LARP4B: variants seen among roughly 807,000 people sequenced by gnomAD.
LARP4B encodes the protein La ribonucleoprotein 4B.
Under a neutral mutation model 89.8 loss-of-function variants are expected in LARP4B, and 12 were observed. The ratio of observed to expected loss-of-function variants is 0.13; its 90% CI spans 0.09 to 0.22. The LOEUF is 0.22. Ranked by LOEUF, LARP4B falls within the 10% of genes least tolerant of loss-of-function variation. LARP4B has a pLI of 1.00. For missense variants in LARP4B, 757 were observed against 947.7 expected (o/e 0.80, Z 2.64); for synonymous variants, 367 against 363.3 (o/e 1.01, Z -0.12).
chr10:939,706 A>G, the LARP4B span, among the ~76,000 whole-genome samples: 1 of 152,212 alleles, frequency 6.6e-6, no homozygotes, highest in African/African-American at 2.4e-5. Context: ...TGAGTTGATG[A>G]GACATGAGAT....
chr10:874,234 C>CAAAAAAAACA (rs60052105), intron 3 of LARP4B, among the ~76,000 whole-genome samples: 20,722 of 151,964 alleles, frequency 0.14, 1,537 homozygotes, highest in Non-Finnish European at 0.16. Context: ...GACTCCATCT[C>CAAAAAAAACA]AAACAAAACA....
intron 1 of LARP4B, among the ~76,000 whole-genome samples, chr10:906,638 G>A (rs1406231974): frequency 6.6e-6 from 1 of 152,192 alleles, no homozygotes; most frequent in Non-Finnish European, 1.5e-5. Flanking sequence ...ACAACCATAT[G>A]CTCAGTTTCA....
chr10:902,456 G>A (rs1043143000), intron 1 of LARP4B, among the ~76,000 whole-genome samples: 6 of 152,032 alleles, frequency 3.9e-5, no homozygotes, highest in African/African-American at 1.4e-4. Flanking sequence ...AAAGCAAATG[G>A]AAAAGTTGAC....
rs115211576 is a variant in LARP4B at position 872,569 on chromosome 10, C to T, written c.142-8299G>A. 1.3e-3 allele frequency among the ~76,000 whole-genome samples: 203 copies of T among 152,352 alleles called. 1 individual carries two copies. Among genetic ancestry groups the T allele is most frequent in the African/African-American group, 4.8e-3 (198 of 41,582 alleles). On this transcript the variant is annotated intron_variant, in intron 3 of 17. Coordinates refer to ENST00000316157, the MANE Select transcript of LARP4B (RefSeq NM_015155.3). Reference sequence around the variant, plus strand: ...TCTCCCTATCGGATAGGTCTAAAGACTTACTCTCATCACCACTGCTGAGGT... The same window carrying T: ...TCTCCCTATCGGATAGGTCTAAAGATTTACTCTCATCACCACTGCTGAGGT...
chr10:956,090 A>G, the LARP4B span, among the ~76,000 whole-genome samples: 1 of 144,966 alleles, frequency 6.9e-6, no homozygotes, highest in Admixed American at 6.9e-5. The surrounding 1 kb of genome is among the most constrained non-coding windows in gnomAD (Gnocchi z 4.3). Flanking sequence ...CGGCTAATCC[A>G]CCAAATGGGC....
chr10:901,135 T>TCGAACTCCTGACCTCCTGATCCACC (rs1836333331), intron 1 of LARP4B, among the ~76,000 whole-genome samples: 1 of 143,906 alleles, frequency 6.9e-6, no homozygotes, highest in African/African-American at 2.6e-5. Context: ...TGGCCTGGTT[T>TCGAACTCCTGACCTCCTGATCCACC]CGAACTCCTG....
chr10:930,076 G>A (rs540079755), intron 1 of LARP4B, among the ~76,000 whole-genome samples: 1 of 151,734 alleles, frequency 6.6e-6, no homozygotes, highest in Non-Finnish European at 1.5e-5. Context: ...GGCAGGTTGG[G>A]GAAGTATGGA....
At chr10:934,995 A>G (rs1011437597), upstream of LARP4B, among the ~76,000 whole-genome samples, 1 of 152,212 alleles carries the variant, frequency 6.6e-6, no homozygotes, top group Non-Finnish European at 1.5e-5. Flanking sequence ...TTGCCTGCCC[A>G]GGAGGATAAA....
At position 810,779 on chromosome 10, in the gene LARP4B, TTC is replaced by T. The variant is rs1262598962; in HGVS notation, c.*2145_*2146del. 6.9e-6 allele frequency: 1 copy of T among 144,466 alleles called. No individual in the cohort carries two copies. Among genetic ancestry groups the T allele is most frequent in the Admixed American group, 6.9e-5 (1 of 14,480 alleles). The allele number at this position is 144,466 out of a possible 1,614,324, so 8.9% of individuals were successfully genotyped here. ...AGTTTGGGTTTCACAGATCAATTAT[TTC>T]TGATTTTTTTTTTTTTTTTGGTCAG... On this transcript the variant is annotated 3_prime_UTR_variant, in exon 18 of 18. Coordinates refer to ENST00000316157, the MANE Select transcript of LARP4B (RefSeq NM_015155.3).
the LARP4B span, among the ~76,000 whole-genome samples, chr10:979,447 GTTA>G: frequency 6.6e-6 from 1 of 152,170 alleles, no homozygotes; most frequent in Non-Finnish European, 1.5e-5. Flanking sequence ...GACTGCTCTG[GTTA>G]TTAATTTCTC....
the LARP4B span, among the ~76,000 whole-genome samples, chr10:976,163 C>T: frequency 3.6e-5 from 5 of 138,108 alleles, no homozygotes; most frequent in South Asian, 4.7e-4. Flanking sequence ...GCGTAAGGTG[C>T]GGCCCGCCCT....
At chr10:833,341 CCTGGGCGGCATGCCGCCCACGGG>C (rs1393102797) in intron 8 of LARP4B, among the ~76,000 whole-genome samples, 3 of 149,394 alleles carry the variant, frequency 2.0e-5, no homozygotes, top group African/African-American at 7.4e-5. Flanking sequence ...ACAAAGCCGT[CCTGGGCGGCATGCCGCCCACGGG>C]CTGAAGAAGC....
the LARP4B span, chr10:985,877 AG>A: frequency 6.6e-6 from 1 of 152,254 alleles, no homozygotes; most frequent in Non-Finnish European, 1.5e-5. Flanking sequence ...ATGGCAAAAA[AG>A]TAAGACACAG....
the LARP4B span, among the ~76,000 whole-genome samples, chr10:980,655 T>C: frequency 1.3e-5 from 2 of 152,218 alleles, no homozygotes; most frequent in Admixed American, 6.5e-5. Context: ...TGGGAAGCAG[T>C]GTCCCAAGGC....
chr10:875,609 T>A (rs937812781), intron 3 of LARP4B, among the ~76,000 whole-genome samples: 2 of 152,222 alleles, frequency 1.3e-5, no homozygotes, highest in Non-Finnish European at 2.9e-5. Context: ...TTCACACAAT[T>A]CTGGAGGCTG....
chr10:907,269 A>G (rs1002782797), intron 1 of LARP4B, among the ~76,000 whole-genome samples: 3 of 152,226 alleles, frequency 2.0e-5, no homozygotes, highest in African/African-American at 4.8e-5. Flanking sequence ...TGTGGCAACA[A>G]ATGTGGGAAA....
chr10:833,356 G>T (rs1359638901), intron 8 of LARP4B, among the ~76,000 whole-genome samples: 1 of 141,502 alleles, frequency 7.1e-6, no homozygotes, highest in Admixed American at 7.3e-5. Context: ...GCGGCATGCC[G>T]CCCACGGGCT....
chr10:917,999 TTTGAG>T, intron 1 of LARP4B, among the ~76,000 whole-genome samples: 1 of 152,310 alleles, frequency 6.6e-6, no homozygotes, highest in African/African-American at 2.4e-5. Flanking sequence ...AACCATTGTG[TTTGAG>T]TTTTTATTGT....
At chr10:957,692 G>C in the LARP4B span, among the ~76,000 whole-genome samples, 1 of 151,918 alleles carries the variant, frequency 6.6e-6, no homozygotes, top group Non-Finnish European at 1.5e-5. Flanking sequence ...AATTTTATAA[G>C]GTTAAATCTA....
Sources: allele counts gnomAD v4.1 joint callset (sites outside exome capture counted in the v4.1 genomes callset), GRCh38; gene constraint gnomAD v4.1.1; non-coding constraint Gnocchi (gnomAD v3.1); transcripts MANE v1.5; gene names NCBI Gene and HGNC (gene_info 2026-07-23, HGNC 2026-07-21).